The following PTPRD variants were observed in gnomAD, a reference collection of about 807,000 sequenced individuals.
PTPRD encodes the protein receptor-type tyrosine-protein phosphatase delta.
PTPRD carries 34 observed loss-of-function variants against 214.5 expected under a neutral mutation model. The ratio of observed to expected loss-of-function variants is 0.16; its 90% CI spans 0.12 to 0.21. The LOEUF is 0.21. Ranked by LOEUF, PTPRD falls within the 10% of genes least tolerant of loss-of-function variation. PTPRD has a pLI of 1.00. For synonymous variants in PTPRD, 1,128 were observed against 845.7 expected, an observed-to-expected ratio of 1.33 and a Z score of -5.79; for missense variants, 2,545 against 2,398.7, an observed-to-expected ratio of 1.06 and a Z score of -1.27.
At chr9:8,768,172 C>A (rs1018280954) in intron 11 of PTPRD, among the ~76,000 whole-genome samples, 23 of 152,138 alleles carry the variant, frequency 1.5e-4, no homozygotes, top group Non-Finnish European at 3.4e-4. Flanking sequence ...AGGCAGGAGG[C>A]TTGCTTGAGC....
rs188407234 is a variant in PTPRD, at chr9:8,719,807, T to C, written c.64+13973A>G. 1.3e-5 allele frequency among the ~76,000 whole-genome samples: 2 copies of C among 151,494 alleles called. 1 individual carries two copies. The highest frequency in any genetic ancestry group is 2.9e-5 in the Non-Finnish European group (2 of 67,938). Reference sequence around the variant, plus strand: ...AGGCTTTTAAAATGTTAGCGCCAAGTAGGGCTTTAGCTAATGTATATCAAT... The same window carrying C: ...AGGCTTTTAAAATGTTAGCGCCAAGCAGGGCTTTAGCTAATGTATATCAAT... On this transcript the variant is annotated intron_variant, in intron 12 of 45. Transcript: ENST00000381196.
intron 3 of PTPRD, among the ~76,000 whole-genome samples, chr9:10,220,016 T>A (rs549172527): frequency 9.2e-5 from 14 of 151,970 alleles, no homozygotes; most frequent in African/African-American, 2.6e-4. Flanking sequence ...ATCAAAATTA[T>A]AACAAGAAGG....
At chr9:9,980,635 C>CAA (rs1172955634) in intron 4 of PTPRD, among the ~76,000 whole-genome samples, 1 of 34,004 alleles carries the variant, frequency 2.9e-5, no homozygotes, top group African/African-American at 1.1e-4. Context: ...AAAAAAAAAA[C>CAA]AAAAAAAAAA....
intron 10 of PTPRD, among the ~76,000 whole-genome samples, chr9:9,043,949 T>C (rs981081198): frequency 6.7e-6 from 1 of 148,410 alleles, no homozygotes; most frequent in Non-Finnish European, 1.5e-5. Context: ...TAAAATAAAA[T>C]AAAATAAAAT....
intron 11 of PTPRD, among the ~76,000 whole-genome samples, chr9:9,017,051 T>G (rs1378940798): frequency 6.6e-6 from 1 of 152,010 alleles, no homozygotes; most frequent in Non-Finnish European, 1.5e-5. Flanking sequence ...GTATTATAGA[T>G]AATGAATCAT....
chr9:9,808,186 T>C (rs907199601), intron 5 of PTPRD, among the ~76,000 whole-genome samples: 3 of 152,228 alleles, frequency 2.0e-5, no homozygotes, highest in African/African-American at 7.2e-5. Flanking sequence ...TATTATGTTT[T>C]ATAGGTTATT....
At chr9:9,478,811 T>A (rs894714448) in intron 8 of PTPRD, among the ~76,000 whole-genome samples, 1 of 152,212 alleles carries the variant, frequency 6.6e-6, no homozygotes, top group African/African-American at 2.4e-5. Flanking sequence ...TCGAGTTTAA[T>A]CCTCAGAATT....
intron 3 of PTPRD, among the ~76,000 whole-genome samples, chr9:10,113,399 T>C (rs1352195553): frequency 6.6e-6 from 1 of 152,196 alleles, no homozygotes; most frequent in Non-Finnish European, 1.5e-5. Context: ...CACACCGTGC[T>C]TCCTCTGCAC....
At chr9:9,891,185 T>C (rs578248822) in intron 5 of PTPRD, among the ~76,000 whole-genome samples, 3 of 152,202 alleles carry the variant, frequency 2.0e-5, no homozygotes, top group African/African-American at 7.2e-5. Context: ...TATGTATACA[T>C]CTCCTGTTCT....
intron 7 of PTPRD, among the ~76,000 whole-genome samples, chr9:9,653,911 T>C (rs947705777): frequency 6.6e-6 from 1 of 152,186 alleles, no homozygotes; most frequent in African/African-American, 2.4e-5. Context: ...GAAGGCTTAT[T>C]TAAATGATGT....
chr9:8,338,195 G>C (rs1848857851), intron 43 of PTPRD, among the ~76,000 whole-genome samples: 1 of 152,068 alleles, frequency 6.6e-6, no homozygotes, highest in Non-Finnish European at 1.5e-5. Flanking sequence ...CACAAGGCAG[G>C]TCTTTGAACT....
chr9:8,970,395 T>C (rs1262394362), intron 11 of PTPRD, among the ~76,000 whole-genome samples: 2 of 151,890 alleles, frequency 1.3e-5, no homozygotes, highest in Non-Finnish European at 2.9e-5. Flanking sequence ...AACTTGGTCT[T>C]GACTTGTGAA....
intron 2 of PTPRD, among the ~76,000 whole-genome samples, chr9:10,453,647 T>C (rs970707314): frequency 6.6e-6 from 1 of 151,736 alleles, no homozygotes; most frequent in Admixed American, 6.6e-5. Context: ...TATGTTGATT[T>C]AGAATCCTGC....
At chr9:10,043,749 G>T (rs986755740) in intron 3 of PTPRD, among the ~76,000 whole-genome samples, 8 of 151,802 alleles carry the variant, frequency 5.3e-5, no homozygotes, top group Non-Finnish European at 7.4e-5. Context: ...GAAGCCACTG[G>T]TGCTGCAGAA....
At chr9:9,953,490 G>C (rs1189198034) in intron 4 of PTPRD, among the ~76,000 whole-genome samples, 1 of 138,902 alleles carries the variant, frequency 7.2e-6, no homozygotes, top group East Asian at 2.2e-4. Context: ...AGAGGGAATT[G>C]TGGACACACA....
At chr9:9,455,780 A>C (rs2092905019) in intron 8 of PTPRD, among the ~76,000 whole-genome samples, 1 of 151,788 alleles carries the variant, frequency 6.6e-6, no homozygotes, top group African/African-American at 2.4e-5. Flanking sequence ...TAAATATTAT[A>C]AAAACAATAA....
rs148782018 is a variant in PTPRD at position 10,239,919 on chromosome 9, A to T, written c.-545+101044T>A. ...CCTTTTTCCCCAAAGCCAGCTGTAAAACCTAAAAATATTACTCTAACCTCT... is the reference window on the plus strand; with the variant it reads ...CCTTTTTCCCCAAAGCCAGCTGTAATACCTAAAAATATTACTCTAACCTCT... On this transcript the variant is annotated intron_variant, in intron 3 of 45. Transcript: ENST00000381196. 3.4e-3 allele frequency among the ~76,000 whole-genome samples: 514 copies of T among 151,794 alleles called. 3 individuals carry two copies. The highest frequency in any genetic ancestry group is 0.012 in the African/African-American group (493 of 41,470).
At chr9:9,759,562 T>A (rs998224069) in intron 6 of PTPRD, among the ~76,000 whole-genome samples, 1 of 146,980 alleles carries the variant, frequency 6.8e-6, no homozygotes, top group Non-Finnish European at 1.5e-5. Flanking sequence ...TGTCTTTTTT[T>A]TTTTTTTTTT....
chr9:10,018,203 G>A (rs5012013), intron 4 of PTPRD, among the ~76,000 whole-genome samples: 1 of 148,380 alleles, frequency 6.7e-6, no homozygotes, highest in Non-Finnish European at 1.5e-5. Flanking sequence ...GAGAGAGAGA[G>A]AAGGAGTAGG....
Sources: gnomAD v4.1 joint callset for allele counts (sites outside exome capture counted in the v4.1 genomes callset) on GRCh38, gnomAD v4.1.1 for gene constraint, MANE v1.5 for transcripts, NCBI Gene and HGNC (gene_info 2026-07-23, HGNC 2026-07-21) for gene names.